Variants in MCCC1 observed in about 807,000 individuals in gnomAD.
MCCC1 encodes methylcrotonyl-CoA carboxylase subunit 1.
A neutral mutation model predicts 83.8 loss-of-function variants in MCCC1; 64 were observed. The observed-to-expected ratio is 0.76, with a 90% CI of 0.62 to 0.94. The LOEUF (loss-of-function observed/expected upper bound fraction) is 0.94. Among genes scored for constraint, MCCC1 ranks in the 40% least tolerant of loss-of-function variants. The pLI, the probability that MCCC1 is intolerant of heterozygous loss-of-function variation, is 0.00. For missense variants in MCCC1, 807 were observed against 904.7 expected (o/e 0.89, Z 1.39); for synonymous variants, 322 against 315.4 (o/e 1.02, Z -0.22).
intron 14 of MCCC1, among the ~76,000 whole-genome samples, chr3:183,033,551 G>A (rs1166246974): frequency 6.6e-6 from 1 of 152,106 alleles, no homozygotes; most frequent in East Asian, 1.9e-4. Flanking sequence ...CTGAAACACT[G>A]CATGGGCAGT....
At chr3:183,039,832 C>A (rs1177105955) in intron 11 of MCCC1, among the ~76,000 whole-genome samples, 1 of 152,068 alleles carries the variant, frequency 6.6e-6, no homozygotes, top group Non-Finnish European at 1.5e-5. Context: ...ACAGGTGGCT[C>A]ACGCCTGTAC....
chr3:183,113,750 T>C (rs947938199), intron 1 of MCCC1, among the ~76,000 whole-genome samples: 8 of 151,826 alleles, frequency 5.3e-5, no homozygotes, highest in African/African-American at 1.9e-4. Context: ...TATAATAAAC[T>C]GGTAAAAGTG....
chr3:183,098,846 G>A, intron 1 of MCCC1: 1 of 170,022 alleles, frequency 5.9e-6, no homozygotes, highest in South Asian at 1.4e-4. Flanking sequence ...ACAATGAGAA[G>A]GAACTCCAGG....
intron 7 of MCCC1, among the ~76,000 whole-genome samples, chr3:183,060,439 T>C (rs1358062278): frequency 6.6e-6 from 1 of 152,196 alleles, no homozygotes; most frequent in Non-Finnish European, 1.5e-5. Context: ...ATCTTCTTAT[T>C]GCTAAGTATA....
intron 18 of MCCC1, 147 bp downstream of exon 18, chr3:183,017,119 G>T: frequency 1.4e-6 from 1 of 735,980 alleles, no homozygotes; most frequent in Non-Finnish European, 2.4e-6. Flanking sequence ...AAGAAGGATA[G>T]TTTGGTTTTG....
At chr3:183,056,475 C>G (rs1715431440) in intron 8 of MCCC1, among the ~76,000 whole-genome samples, 1 of 152,234 alleles carries the variant, frequency 6.6e-6, no homozygotes, top group South Asian at 2.1e-4. Context: ...CTAAACCAAT[C>G]AAGAGTAAGG....
chr3:183,064,336 T>A lies in MCCC1; in HGVS notation c.761+6663A>T, dbSNP rs1560249416. 1.3e-5 allele frequency among the ~76,000 whole-genome samples: 2 copies of A among 152,000 alleles called. No individual in the cohort carries two copies. Among genetic ancestry groups the A allele is most frequent in the African/African-American group, 4.8e-5 (2 of 41,386 alleles). On this transcript the variant is annotated intron_variant, in intron 7 of 18. Coordinates refer to ENST00000265594, the MANE Select transcript of MCCC1 (RefSeq NM_020166.5). This position sits in a 1 kb window ranked among gnomAD's most constrained non-coding sequence, Gnocchi z 4.5. ...CACAAGTGGTATATATCGTAAATATTAAAATGATCATTGTTTTTAGTTGGT... is the reference window on the plus strand; with the variant it reads ...CACAAGTGGTATATATCGTAAATATAAAAATGATCATTGTTTTTAGTTGGT...
upstream of MCCC1, among the ~76,000 whole-genome samples, chr3:183,101,097 G>A (rs1340455240): frequency 2.6e-5 from 4 of 152,388 alleles, no homozygotes; most frequent in South Asian, 6.2e-4. Context: ...CACCGGCGCT[G>A]CGCTCGATTT....
intron 18 of MCCC1, 189 bp downstream of exon 18, chr3:183,017,077 T>G: frequency 3.3e-6 from 2 of 607,580 alleles, no homozygotes; most frequent in Non-Finnish European, 5.9e-6. Flanking sequence ...ACAGGTGCAA[T>G]TTCACAAAGT....
intron 14 of MCCC1, among the ~76,000 whole-genome samples, chr3:183,032,622 C>A (rs1265153390): frequency 6.6e-6 from 1 of 152,158 alleles, no homozygotes; most frequent in African/African-American, 2.4e-5. Context: ...CGCCTGTAAT[C>A]CCAGCACTTT....
At chr3:183,069,584 GAGA>G (rs1465396772) in intron 7 of MCCC1, among the ~76,000 whole-genome samples, 2 of 152,052 alleles carry the variant, frequency 1.3e-5, no homozygotes, top group Admixed American at 6.6e-5. Context: ...CTTCTCTAAG[GAGA>G]AGAATACAAA....
intron 7 of MCCC1, among the ~76,000 whole-genome samples, chr3:183,059,856 C>A (rs1391642113): frequency 1.3e-5 from 2 of 152,156 alleles, no homozygotes; most frequent in African/African-American, 2.4e-5. Context: ...GATAAGATTT[C>A]TTATTTTTAT....
chr3:183,091,330 G>C (rs1464034498), intron 3 of MCCC1, among the ~76,000 whole-genome samples: 1 of 152,186 alleles, frequency 6.6e-6, no homozygotes, highest in Non-Finnish European at 1.5e-5. Context: ...CACTTTGGGA[G>C]GCCAAGGTGG....
At position 183,105,707 on chromosome 3, in the gene MCCC1, A is replaced by G. The variant is rs144138013; in HGVS notation, c.-102+9767T>C. Among the ~76,000 whole-genome samples, 97 of 152,306 alleles carry G rather than the reference A, an allele frequency of 6.4e-4. 1 individual carries two copies. The highest frequency in any genetic ancestry group is 2.3e-3 in the African/African-American group (94 of 41,558). On this transcript the variant is annotated intron_variant, in intron 1 of 17. Transcript: ENST00000492597. ...ACTAATGGTAAAAAAGAAGAAAGAAAAAAAAAAACTCTTACAAATAGAGCT... is the reference window on the plus strand; with the variant it reads ...ACTAATGGTAAAAAAGAAGAAAGAAGAAAAAAAACTCTTACAAATAGAGCT...
Position 183,086,712 on chromosome 3 carries a change from G to A in MCCC1, c.350C>T (p.Ala117Val), listed in dbSNP as rs754963220. 1 of 1,614,122 alleles carries A rather than the reference G, an allele frequency of 6.2e-7. No individual in the cohort carries two copies. The highest frequency in any genetic ancestry group is 1.7e-5 in the Admixed American group (1 of 60,010). The change falls in exon 4 of 19, where the codon GCC (alanine) becomes GTC (valine). Residue 117 changes from alanine (A) to valine (V), a missense_variant. Transcript: ENST00000265594. Reference sequence around the variant, plus strand: ...CCTCACCTGTGCAGCAGAGGTCTTGGCCACTTGAATGATTTTCTCCATAGA... The same window carrying A: ...CCTCACCTGTGCAGCAGAGGTCTTGACCACTTGAATGATTTTCTCCATAGA... ...YLSMEKIIQVAKTSAAQAIHP... is the reference protein window; with the variant it reads ...YLSMEKIIQVVKTSAAQAIHP...
intron 3 of MCCC1, chr3:183,091,092 T>C (rs1359842284): frequency 2.2e-6 from 1 of 455,430 alleles, no homozygotes; most frequent in African/African-American, 2.0e-5. Context: ...AAGTTTGAAA[T>C]ACTCATTGCA....
chr3:183,080,981 C>T (rs1004046498), intron 4 of MCCC1, among the ~76,000 whole-genome samples: 9 of 152,284 alleles, frequency 5.9e-5, no homozygotes, highest in African/African-American at 1.4e-4. Flanking sequence ...TCCCATAATA[C>T]GTGGGAATTG....
rs1274909684 is a variant in MCCC1, at chr3:183,107,408, CAAAAAA to C, written c.-102+8060_-102+8065del. ...GGGCAACAAGAGCGAAACTCCATCT[CAAAAAA>C]AAAAAAAGAAAAAGAAAAAGAAAAA... On this transcript the variant is annotated intron_variant, in intron 1 of 17. Coordinates refer to the MCCC1 transcript ENST00000492597. Among the ~76,000 whole-genome samples the C allele has an allele frequency of 3.3e-5, 3 of 89,668 alleles. No individual in the cohort carries two copies. The Admixed American group carries it at 3.9e-4, about 12-fold the overall frequency. 58.8% of individuals were successfully genotyped at this position (89,668 alleles called of 152,430 possible).
intron 12 of MCCC1, among the ~76,000 whole-genome samples, 189 bp from the exon 13 acceptor site, chr3:183,037,623 T>A (rs1560220195): frequency 6.6e-6 from 1 of 152,190 alleles, no homozygotes; most frequent in African/African-American, 2.4e-5. Context: ...CATCTCACTA[T>A]CACTATGTCC....
Sources: allele counts gnomAD v4.1 joint callset (sites outside exome capture counted in the v4.1 genomes callset), GRCh38; gene constraint gnomAD v4.1.1; non-coding constraint Gnocchi (gnomAD v3.1); transcripts MANE v1.5; gene names NCBI Gene and HGNC (gene_info 2026-07-23, HGNC 2026-07-21).